Variants in DNAH10 observed in about 807,000 individuals in gnomAD.
The protein encoded by DNAH10 is axonemal beta dynein heavy chain 10.
A neutral mutation model predicts 506.6 loss-of-function variants in DNAH10; 348 were observed. The observed-to-expected ratio is 0.69, with a 90% CI of 0.63 to 0.75. The LOEUF (loss-of-function observed/expected upper bound fraction) is 0.75, where lower values mean the gene tolerates loss of function less well. Ranked by LOEUF, DNAH10 falls within the 30% of genes least tolerant of loss-of-function variation. The probability of loss-of-function intolerance (pLI) is 0.00; values close to 1 mark genes in which losing one functional copy is unlikely to be tolerated. For synonymous variants in DNAH10, 2,059 were observed against 2,198.6 expected (o/e 0.94, Z 1.78); for missense variants, 5,179 against 5,787.1 (o/e 0.89, Z 3.41).
chr12:123,866,009 T>C lies in DNAH10; in HGVS notation c.7103T>C (p.Val2368Ala). The change falls in exon 41 of 79, where the codon GTG becomes GCG. Residue 2368 changes from valine to alanine, a missense_variant. By Grantham distance (64) the Val-to-Ala change is moderately conservative. Around this residue, in one of 3 missense-constraint regions of DNAH10, gnomAD observed 4,844 missense variants for 5,430.5 expected, o/e 0.89. Transcript: ENST00000673944. ...GTCTCTCGATGTGGAATGGTTTATG[T>C]GGATCCTAAAAACTTGAAATATCGA... ...ATVSRCGMVYVDPKNLKYRPY... is the reference protein window; with the variant it reads ...ATVSRCGMVYADPKNLKYRPY... 6.2e-7 allele frequency: 1 copy of C among 1,612,776 alleles called. No homozygotes were observed. Among genetic ancestry groups the C allele is most frequent in the South Asian group, 1.1e-5 (1 of 90,780 alleles).
At chr12:123,899,518 C>T (rs977328646) in intron 56 of DNAH10, among the ~76,000 whole-genome samples, 3 of 152,168 alleles carry the variant, frequency 2.0e-5, no homozygotes, top group African/African-American at 4.8e-5. Context: ...TCATTGCACC[C>T]GGCCCTGTGC....
At chr12:123,828,210 C>T (rs78691110) in intron 25 of DNAH10, among the ~76,000 whole-genome samples, 1,613 of 151,448 alleles carry the variant, frequency 0.011, 19 homozygotes, top group African/African-American at 0.035. Context: ...TCAAAACAGT[C>T]GCCTGTCTCT....
At chr12:123,803,593 C>A in intron 16 of DNAH10, 68 bp from the exon 17 acceptor site, 1 of 1,394,176 alleles carries the variant, frequency 7.2e-7, no homozygotes, top group South Asian at 1.6e-5. Context: ...ACATCACAGA[C>A]GTTGGTGGGG....
intron 78 of DNAH10, 133 bp from the exon 79 acceptor site, chr12:123,935,202 C>A: frequency 1.8e-6 from 2 of 1,110,980 alleles, no homozygotes; most frequent in South Asian, 3.2e-5. Flanking sequence ...CCTGAGCAGC[C>A]CCAGCCTTGT....
At chr12:123,804,080 C>T (rs1305855269) in intron 17 of DNAH10, among the ~76,000 whole-genome samples, 3 of 152,030 alleles carry the variant, frequency 2.0e-5, no homozygotes, top group East Asian at 1.9e-4. Flanking sequence ...TTTTCTGAGA[C>T]GAGGGCTCAC....
chr12:123,934,472 ATGC>A (rs1955384224), intron 77 of DNAH10, 146 bp from the exon 78 acceptor site: 1 of 968,074 alleles, frequency 1.0e-6, no homozygotes, highest in Non-Finnish European at 1.6e-6. Context: ...CAGGACAGAA[ATGC>A]TGGAGAAGGG....
intron 38 of DNAH10, among the ~76,000 whole-genome samples, chr12:123,860,189 A>G (rs1175675360): frequency 1.3e-5 from 2 of 152,228 alleles, no homozygotes; most frequent in Non-Finnish European, 2.9e-5. Context: ...ATCTAAATCA[A>G]GCCAAAGTTT....
chr12:123,822,295 CATTT>C (rs1214847673), intron 24 of DNAH10, among the ~76,000 whole-genome samples: 2 of 152,196 alleles, frequency 1.3e-5, no homozygotes, highest in East Asian at 3.9e-4. Context: ...GCTATTCATT[CATTT>C]ATCTATTGAC....
rs1197366524 is a variant in DNAH10 at position 123,898,704 on chromosome 12, T to A, written c.9530T>A (p.Ile3177Asn). Residue 3177 changes from isoleucine to asparagine, a missense_variant, in exon 56 of 79, where the codon ATC becomes AAC. Around this residue, in one of 3 missense-constraint regions of DNAH10, gnomAD observed 4,844 missense variants for 5,430.5 expected, o/e 0.89. Transcript: ENST00000673944. ...GGLDKLKEAT[I>N]QLDELNQKLA... is the part of the protein sequence containing the mutation. ...CTGGACAAGCTGAAGGAGGCCACCA[T>A]CCAGCTGGACGAGCTGAACCAGAAG... 1 of 1,602,266 alleles carries A rather than the reference T, an allele frequency of 6.2e-7. No individual in the cohort carries two copies. The highest frequency in any genetic ancestry group is 1.3e-5 in the African/African-American group (1 of 74,772).
chr12:123,774,086 G>C, intron 4 of DNAH10, 63 bp from the exon 5 acceptor site: 5 of 1,048,064 alleles, frequency 4.8e-6, no homozygotes, highest in Non-Finnish European at 7.0e-6. Context: ...TGTTCTCTTG[G>C]AAATGTTAAC....
At chr12:123,834,600 T>C (rs1960938091) in intron 27 of DNAH10, among the ~76,000 whole-genome samples, 2 of 152,204 alleles carry the variant, frequency 1.3e-5, no homozygotes, top group African/African-American at 4.8e-5. Context: ...ATTCACAGTG[T>C]TGTGCAACCA....
At chr12:123,821,614 T>C (rs1055913809) in intron 24 of DNAH10, among the ~76,000 whole-genome samples, 1 of 152,192 alleles carries the variant, frequency 6.6e-6, no homozygotes, top group African/African-American at 2.4e-5. Context: ...ATTACAGGCA[T>C]GAGCCATTGC....
intron 27 of DNAH10, among the ~76,000 whole-genome samples, chr12:123,834,229 A>G (rs1258990317): frequency 1.3e-5 from 2 of 151,998 alleles, no homozygotes; most frequent in Non-Finnish European, 2.9e-5. Flanking sequence ...TTTTTTTTAG[A>G]TGGAGTCTTG....
In DNAH10 at chr12:123,762,301, G is replaced by C. The variant is rs1387387292; in HGVS notation, c.-36G>C. On this transcript the variant is annotated 5_prime_UTR_variant, in exon 1 of 79. Coordinates refer to ENST00000673944, the MANE Select transcript of DNAH10 (RefSeq NM_001372106.1). This position sits in a 1 kb window ranked among gnomAD's most constrained non-coding sequence, Gnocchi z 5.0. Reference sequence around the variant, plus strand: ...AGGGCCGCCGTTGCCACGGACGCCCGCCCTGCGCCCGGCTCCCTCTGCACT... The same window carrying C: ...AGGGCCGCCGTTGCCACGGACGCCCCCCCTGCGCCCGGCTCCCTCTGCACT... The C allele has an allele frequency of 8.1e-7, 1 of 1,231,834 alleles. No individual in the cohort carries two copies. Among genetic ancestry groups the C allele is most frequent in the African/African-American group, 1.6e-5 (1 of 64,380 alleles). The allele number at this position is 1,231,834 out of a possible 1,614,324, so 76.3% of individuals were successfully genotyped here.
At chr12:123,893,086 G>T (rs1277284703) in intron 52 of DNAH10, 147 bp from the exon 53 acceptor site, 10 of 805,730 alleles carry the variant, frequency 1.2e-5, no homozygotes, top group Non-Finnish European at 1.8e-5. Flanking sequence ...AGGTGGCAGG[G>T]AGCCTCGGGT....
At position 123,850,768 on chromosome 12, in the gene DNAH10, G is replaced by C; in HGVS notation, c.6103-120G>C. On this transcript the variant is annotated intron_variant, in intron 34 of 78. Transcript: ENST00000673944. The surrounding 1 kb of genome is among the most constrained non-coding windows in gnomAD (Gnocchi z 5.5). ...GGGGAGGGAAAAAGAGACAAGTGGTGTTGTCAGCCTCATACCATGAAAATG... is the reference window on the plus strand; with the variant it reads ...GGGGAGGGAAAAAGAGACAAGTGGTCTTGTCAGCCTCATACCATGAAAATG... The C allele has an allele frequency of 9.8e-7, 1 of 1,024,530 alleles. No homozygotes were observed. The highest frequency in any genetic ancestry group is 1.4e-6 in the Non-Finnish European group (1 of 723,562). 63.5% of individuals were successfully genotyped at this position (1,024,530 alleles called of 1,614,324 possible).
chr12:123,787,768 G>A lies in DNAH10; in HGVS notation c.1422-36G>A, dbSNP rs1957916069. 12 of 1,597,710 alleles carry A rather than the reference G, an allele frequency of 7.5e-6. No individual in the cohort carries two copies. Among genetic ancestry groups the A allele is most frequent in the Non-Finnish European group, 8.5e-6 (10 of 1,173,066 alleles). On this transcript the variant is annotated intron_variant, in intron 9 of 78. Coordinates refer to ENST00000673944, the MANE Select transcript of DNAH10 (RefSeq NM_001372106.1). This position sits in a 1 kb window ranked among gnomAD's most constrained non-coding sequence, Gnocchi z 4.6. ...GAGTGCGGCTCGGACCCGGAGCTCCGCCCTCCTCCCATCACGGCATCTCTT... is the reference window on the plus strand; with the variant it reads ...GAGTGCGGCTCGGACCCGGAGCTCCACCCTCCTCCCATCACGGCATCTCTT...
intron 43 of DNAH10, 80 bp from the exon 44 acceptor site, chr12:123,870,286 T>G (rs895704476): frequency 6.5e-7 from 1 of 1,535,940 alleles, no homozygotes; most frequent in African/African-American, 1.4e-5. Context: ...GCAACATTAG[T>G]TCATTTCAAG....
intron 46 of DNAH10, among the ~76,000 whole-genome samples, chr12:123,874,261 GTCCGTCCATCCATCCATCCA>G (rs1952150591): frequency 8.1e-6 from 1 of 123,102 alleles, no homozygotes; most frequent in East Asian, 2.4e-4. Context: ...GCCAGAGTCC[GTCCGTCCATCCATCCATCCA>G]TCCATCCATC....
Sources: gnomAD v4.1 joint callset for allele counts (sites outside exome capture counted in the v4.1 genomes callset) on GRCh38, gnomAD v4.1.1 for gene constraint, gnomAD v4.1.1 regional missense constraint, Gnocchi (gnomAD v3.1) non-coding constraint, MANE v1.5 for transcripts, NCBI Gene and HGNC (gene_info 2026-07-23, HGNC 2026-07-21) for gene names.